The following ITGB8 variants were observed in gnomAD, a reference collection of about 807,000 sequenced individuals.
ITGB8 encodes the protein integrin beta-8.
In ITGB8, 30 loss-of-function variants were observed where a neutral mutation model predicts 89.5. The observed-to-expected ratio is 0.34, with a 90% confidence interval of 0.25 to 0.45. The LOEUF (loss-of-function observed/expected upper bound fraction) is 0.45, where lower values mean the gene tolerates loss of function less well. Among genes scored for constraint, ITGB8 ranks in the 20% least tolerant of loss-of-function variants. The pLI is 1.00. For synonymous variants in ITGB8, 335 were observed against 320.4 expected (o/e 1.05, Z -0.49); for missense variants, 836 against 933.3 (o/e 0.90, Z 1.36).
intron 1 of ITGB8, among the ~76,000 whole-genome samples, chr7:20,354,367 G>C (rs10241490): frequency 2.0e-5 from 3 of 151,954 alleles, no homozygotes. Context: ...ATTTTATGCT[G>C]GACATTTCTT....
At chr7:20,376,226 A>G (rs767876449) in intron 3 of ITGB8, among the ~76,000 whole-genome samples, 14 of 152,162 alleles carry the variant, frequency 9.2e-5, no homozygotes, top group Non-Finnish European at 1.8e-4. Flanking sequence ...CATGCCAACT[A>G]GAGTTCCTTT....
intron 3 of ITGB8, among the ~76,000 whole-genome samples, chr7:20,369,743 T>C (rs1043240858): frequency 2.6e-5 from 4 of 152,212 alleles, no homozygotes; most frequent in Admixed American, 2.6e-4. Flanking sequence ...ATAAAACTGT[T>C]CTTATATGCC....
intron 8 of ITGB8, among the ~76,000 whole-genome samples, chr7:20,396,943 A>G (rs1374952537): frequency 6.6e-6 from 1 of 151,888 alleles, no homozygotes; most frequent in Non-Finnish European, 1.5e-5. Context: ...GGGGCTAACT[A>G]CTCTCCTTAA....
rs1784393520 is a variant in ITGB8, at chr7:20,331,547, C to T, written c.-260C>T. ...CTCCAGTCGCCGCCGGGGCCCTTGG[C>T]CGTCGAAGGAGGTGCTTCTCGCGGA... On this transcript the variant is annotated 5_prime_UTR_variant, in exon 1 of 14. Coordinates refer to ENST00000222573, the MANE Select transcript of ITGB8 (RefSeq NM_002214.3). The T allele has an allele frequency of 4.5e-6, 2 of 446,574 alleles. No individual in the cohort carries two copies. The highest frequency in any genetic ancestry group is 7.7e-6 in the Non-Finnish European group (2 of 258,402). The allele number at this position is 446,574 out of a possible 1,614,324, so 27.7% of individuals were successfully genotyped here.
chr7:20,409,489 T>C, intron 12 of ITGB8, 126 bp from the exon 13 acceptor site: 1 of 644,884 alleles, frequency 1.6e-6, no homozygotes, highest in Non-Finnish European at 2.6e-6. Flanking sequence ...TCAATCCCGA[T>C]TTGAAAATGG....
rs1163447852 is a variant in ITGB8, at chr7:20,380,997, G to C, written c.801+166G>C. The C allele has an allele frequency of 1.8e-5, 10 of 571,214 alleles. No homozygotes were observed. In the East Asian group the frequency reaches 2.7e-4, roughly 15 times the overall value. The allele number at this position is 571,214 out of a possible 1,614,324, so 35.4% of individuals were successfully genotyped here. A position where few individuals can be genotyped will look rare whatever the true frequency, so the allele number is the denominator to read the frequency against. ...GGTGATTCATTTCGGTATGTGTTTG[G>C]GACAGAGGGGCTAAATTCAGGGAGG... On this transcript the variant is annotated intron_variant, in intron 5 of 13. Transcript: ENST00000222573.
chr7:20,349,823 A>G (rs560116345), intron 1 of ITGB8, among the ~76,000 whole-genome samples: 20 of 152,344 alleles, frequency 1.3e-4, no homozygotes, highest in Non-Finnish European at 2.9e-4. Flanking sequence ...TCTAACAAAT[A>G]TTCCATCTCA....
Position 20,410,119 on chromosome 7 carries a change from C to A in ITGB8, c.*122C>A. 1.1e-6 allele frequency: 1 copy of A among 947,718 alleles called. No homozygotes were observed. The highest frequency in any genetic ancestry group is 1.6e-6 in the Non-Finnish European group (1 of 628,024). The allele number at this position is 947,718 out of a possible 1,614,324, so 58.7% of individuals were successfully genotyped here. ...ACGGTCATGCCAGTTGCTGGTTGTA[C>A]ACTCGAACGAAGACTGACAAGTATC... On this transcript the variant is annotated 3_prime_UTR_variant, in exon 14 of 14. Coordinates refer to ENST00000222573, the MANE Select transcript of ITGB8 (RefSeq NM_002214.3).
At chr7:20,335,248 A>T (rs191441937) in intron 1 of ITGB8, among the ~76,000 whole-genome samples, 2 of 152,392 alleles carry the variant, frequency 1.3e-5, no homozygotes, top group Admixed American at 1.3e-4. Flanking sequence ...AAGAATGTTC[A>T]CAATTTTTAA....
At chr7:20,375,084 A>G (rs564706730) in intron 3 of ITGB8, among the ~76,000 whole-genome samples, 4 of 152,328 alleles carry the variant, frequency 2.6e-5, no homozygotes, top group East Asian at 1.9e-4. Context: ...AAAGTGAGTG[A>G]AAACTAAACT....
Position 20,404,841 on chromosome 7 carries a change from G to A in ITGB8, c.1901G>A (p.Cys634Tyr), listed in dbSNP as rs1456992248. The change falls in exon 11 of 14, where the codon TGC becomes TAC. Residue 634 changes from cysteine to tyrosine, a missense_variant. Coordinates refer to ENST00000222573, the MANE Select transcript of ITGB8 (RefSeq NM_002214.3). ...CEHCPTCYTA[C>Y]KENWNCMQCL... ...CACTGCCCCACCTGTTATACAGCCT[G>A]CAAGGAAAACTGGTATGATTTCTTT... 1 of 1,614,106 alleles carries A rather than the reference G, an allele frequency of 6.2e-7. No homozygotes were observed. Among genetic ancestry groups the A allele is most frequent in the Admixed American group, 1.7e-5 (1 of 60,028 alleles).
At chr7:20,393,315 C>A (rs1786939949) in intron 7 of ITGB8, among the ~76,000 whole-genome samples, 1 of 152,194 alleles carries the variant, frequency 6.6e-6, no homozygotes, top group South Asian at 2.1e-4. Flanking sequence ...AAATTATGCA[C>A]AAAGTCAGAA....
intron 1 of ITGB8, among the ~76,000 whole-genome samples, chr7:20,336,341 C>T (rs1583462090): frequency 6.6e-6 from 1 of 152,142 alleles, no homozygotes; most frequent in Non-Finnish European, 1.5e-5. Flanking sequence ...CACATTGACA[C>T]CTCCAGAATA....
chr7:20,380,431 C>G, intron 4 of ITGB8: 1 of 442,272 alleles, frequency 2.3e-6, no homozygotes, highest in Non-Finnish European at 4.0e-6. Context: ...CATGTTTAAT[C>G]ATCTTTATTT....
Position 20,394,968 on chromosome 7 carries a change from G to A in ITGB8, c.1129G>A (p.Val377Ile). ...ESKAANLNNL[V>I]VEAYQKLISE... is the part of the protein sequence containing the mutation. ...AAAGGCTGCAAACCTCAATAATTTG[G>A]TAGTGGAAGCCTATCAGGTATGTAT... Residue 377 changes from valine to isoleucine, a missense_variant, in exon 8 of 14, where the codon GTA becomes ATA. By Grantham distance (29) the Val-to-Ile change is conservative. Around this residue, in one of 5 missense-constraint regions of ITGB8, gnomAD observed 192 missense variants for 267.1 expected, o/e 0.72. Transcript: ENST00000222573. The A allele has an allele frequency of 6.2e-7, 1 of 1,609,510 alleles. No homozygotes were observed. The highest frequency in any genetic ancestry group is 8.5e-7 in the Non-Finnish European group (1 of 1,176,000).
chr7:20,342,362 C>T (rs1784788571), intron 1 of ITGB8, among the ~76,000 whole-genome samples: 1 of 152,182 alleles, frequency 6.6e-6, no homozygotes, highest in Non-Finnish European at 1.5e-5. Flanking sequence ...CCTCTCCAGC[C>T]TAAGTGGCAC....
chr7:20,393,644 G>A (rs542192989), intron 7 of ITGB8, among the ~76,000 whole-genome samples: 13 of 152,268 alleles, frequency 8.5e-5, no homozygotes, highest in Non-Finnish European at 1.9e-4. Flanking sequence ...GCCTTGCAGG[G>A]ATGCTTCTCA....
rs372866371 is a variant in ITGB8, at chr7:20,409,671, T to A, written c.2080T>A (p.Phe694Ile). The A allele has an allele frequency of 6.2e-7, 1 of 1,611,538 alleles. No individual in the cohort carries two copies. The highest frequency in any genetic ancestry group is 1.1e-5 in the South Asian group (1 of 90,660). The stretch of plus-strand genomic sequence containing the variant: ...ATTTTTCATCATTTTCATAGTTACA[T>A]TCTTGATTGGGTTGCTTAAAGTCCT... Reference protein sequence around the residue: ...RIFFIIFIVTFLIGLLKVLII... With the variant: ...RIFFIIFIVTILIGLLKVLII... Residue 694 changes from phenylalanine (F) to isoleucine (I), a missense_variant, in exon 13 of 14, where the codon TTC becomes ATC. Phe to Ile is a conservative substitution (Grantham distance 21). Transcript: ENST00000222573.
At chr7:20,340,144 CG>C in intron 1 of ITGB8, among the ~76,000 whole-genome samples, 1 of 152,306 alleles carries the variant, frequency 6.6e-6, no homozygotes, top group African/African-American at 2.4e-5. Context: ...TGGTTTTAGA[CG>C]TGCGCTATCT....
Sources: allele counts gnomAD v4.1 joint callset (sites outside exome capture counted in the v4.1 genomes callset), GRCh38; gene constraint gnomAD v4.1.1; regional missense constraint gnomAD v4.1.1; transcripts MANE v1.5; gene names NCBI Gene and HGNC (gene_info 2026-07-23, HGNC 2026-07-21).